Variants in ATF6 observed in about 807,000 individuals in gnomAD.
ATF6 encodes activating transcription factor 6.
In ATF6, 53 loss-of-function variants were observed where a neutral mutation model predicts 83.6. That is an observed-to-expected ratio of 0.63 (90% CI 0.51 to 0.80). The LOEUF (loss-of-function observed/expected upper bound fraction) is 0.80. ATF6 is among the 30% of genes least tolerant of loss of function. ATF6 has a pLI of 0.00. For missense variants in ATF6, 744 were observed against 797.9 expected (o/e 0.93, Z 0.81); for synonymous variants, 288 against 285.8 (o/e 1.01, Z -0.08).
At chr1:161,787,423 G>A (rs2101735445) in intron 4 of ATF6, among the ~76,000 whole-genome samples, 1 of 152,238 alleles carries the variant, frequency 6.6e-6, no homozygotes, top group African/African-American at 2.4e-5. Context: ...CAGCTCTTAT[G>A]TTCTTTTAAC....
At chr1:161,831,623 T>G (rs1571170252) in intron 9 of ATF6, among the ~76,000 whole-genome samples, 4 of 151,910 alleles carry the variant, frequency 2.6e-5, no homozygotes, top group South Asian at 2.1e-4. Context: ...CCATAAAAAA[T>G]GATGAGTTCA....
chr1:161,788,970 ATATT>A (rs759258531), intron 4 of ATF6, among the ~76,000 whole-genome samples: 2 of 152,026 alleles, frequency 1.3e-5, no homozygotes, highest in African/African-American at 2.4e-5. Flanking sequence ...TGTGAGTGAA[ATATT>A]TATTTATTTG....
intron 14 of ATF6, among the ~76,000 whole-genome samples, chr1:161,892,942 A>G (rs1404355225): frequency 1.3e-5 from 2 of 151,844 alleles, no homozygotes; most frequent in Non-Finnish European, 2.9e-5. Flanking sequence ...CTGGCGGGTC[A>G]TTCTTTAAAG....
intron 14 of ATF6, among the ~76,000 whole-genome samples, chr1:161,895,973 C>T (rs34312480): frequency 6.6e-6 from 1 of 152,076 alleles, no homozygotes; most frequent in African/African-American, 2.4e-5. Context: ...AATAAAGGAC[C>T]CAGTGAGTTA....
intron 4 of ATF6, 137 bp from the exon 5 acceptor site, chr1:161,791,271 A>G (rs1295327983): frequency 2.7e-5 from 15 of 561,804 alleles, no homozygotes; most frequent in Admixed American, 3.7e-5. Flanking sequence ...CTTAATATAT[A>G]TATACAGTTT....
intron 12 of ATF6, among the ~76,000 whole-genome samples, chr1:161,858,095 A>G (rs1028570411): frequency 2.0e-5 from 3 of 152,190 alleles, no homozygotes; most frequent in African/African-American, 7.2e-5. Flanking sequence ...CAACAAAGCA[A>G]GACCCTGTGT....
At chr1:161,882,991 TTTG>T (rs1368774524) in intron 14 of ATF6, among the ~76,000 whole-genome samples, 1 of 151,228 alleles carries the variant, frequency 6.6e-6, no homozygotes, top group Non-Finnish European at 1.5e-5. Flanking sequence ...GGGAGAGGAG[TTTG>T]TTTTCATTAG....
intron 14 of ATF6, among the ~76,000 whole-genome samples, chr1:161,904,835 G>A (rs1054442348): frequency 1.3e-5 from 2 of 152,148 alleles, no homozygotes; most frequent in Non-Finnish European, 1.5e-5. Context: ...CTTCTAATGC[G>A]AGCAAGTGTT....
intron 9 of ATF6, among the ~76,000 whole-genome samples, chr1:161,829,956 C>T (rs1686009700): frequency 2.0e-5 from 3 of 152,028 alleles, no homozygotes; most frequent in Non-Finnish European, 4.4e-5. Context: ...CTGGCCAGGG[C>T]AATCAGGCAG....
At chr1:161,878,843 A>G (rs1452146067) in intron 14 of ATF6, among the ~76,000 whole-genome samples, 1 of 152,192 alleles carries the variant, frequency 6.6e-6, no homozygotes, top group East Asian at 1.9e-4. Context: ...CATGAAACAT[A>G]AAAGTTAAAG....
intron 5 of ATF6, 108 bp downstream of exon 5, chr1:161,791,645 C>T: frequency 7.8e-7 from 1 of 1,281,372 alleles, no homozygotes; most frequent in African/African-American, 1.5e-5. Flanking sequence ...GGCTGGCTTG[C>T]TGTTTTTTAA....
At chr1:161,862,244 A>AT (rs938634045) in intron 13 of ATF6, among the ~76,000 whole-genome samples, 22 of 152,194 alleles carry the variant, frequency 1.4e-4, no homozygotes, top group African/African-American at 4.6e-4. Context: ...TAGTGAACAA[A>AT]TGGAGTTATT....
At chr1:161,838,184 T>G (rs1424059172) in intron 9 of ATF6, among the ~76,000 whole-genome samples, 1 of 152,230 alleles carries the variant, frequency 6.6e-6, no homozygotes, top group Non-Finnish European at 1.5e-5. Context: ...GAGATTGTAC[T>G]CAAATTTACA....
chr1:161,835,710 C>A (rs767457227), intron 9 of ATF6, among the ~76,000 whole-genome samples: 5 of 152,252 alleles, frequency 3.3e-5, no homozygotes, highest in Non-Finnish European at 7.3e-5. Context: ...CATTTATGGA[C>A]CTCTGTTTTG....
At position 161,807,991 on chromosome 1, in the gene ATF6, T is replaced by G. The variant is rs993384304; in HGVS notation, c.909+5719T>G. Among the ~76,000 whole-genome samples, 3 of 146,498 alleles carry G rather than the reference T, an allele frequency of 2.0e-5. No homozygotes were observed. The Admixed American group carries it at 2.1e-4, about 10-fold the overall frequency. ...ACCTTCCAGGTTCAAGCGATTCTCC[T>G]GCCTCAGCCTCCTGAGTAGCTGGGA... is the stretch of plus-strand genomic sequence containing the variant. On this transcript the variant is annotated intron_variant, in intron 7 of 15. Coordinates refer to ENST00000367942, the MANE Select transcript of ATF6 (RefSeq NM_007348.4).
At chr1:161,923,644 T>A (rs1212874492) in intron 15 of ATF6, among the ~76,000 whole-genome samples, 2 of 152,236 alleles carry the variant, frequency 1.3e-5, no homozygotes, top group East Asian at 3.8e-4. Flanking sequence ...GCATGGGTAA[T>A]TTTTCCATGA....
intron 8 of ATF6, 26 bp from the exon 9 acceptor site, chr1:161,821,044 G>A: frequency 1.3e-6 from 2 of 1,512,320 alleles, no homozygotes; most frequent in South Asian, 1.2e-5. Flanking sequence ...TAGTTTAATT[G>A]TATTTAATGT....
intron 9 of ATF6, among the ~76,000 whole-genome samples, chr1:161,823,822 G>A (rs11581556): frequency 0.2 from 30,896 of 152,090 alleles, 3,925 homozygotes; most frequent in Non-Finnish European, 0.28. Flanking sequence ...GATCCCCAGA[G>A]TTCCTTGGAC....
chr1:161,838,504 A>T (rs1686276493), intron 9 of ATF6, among the ~76,000 whole-genome samples: 2 of 152,158 alleles, frequency 1.3e-5, no homozygotes, highest in South Asian at 4.1e-4. Flanking sequence ...CCACTTTCAG[A>T]TTGGCTCATT....
Sources: gnomAD v4.1 joint callset for allele counts (sites outside exome capture counted in the v4.1 genomes callset) on GRCh38, gnomAD v4.1.1 for gene constraint, MANE v1.5 for transcripts, NCBI Gene and HGNC (gene_info 2026-07-23, HGNC 2026-07-21) for gene names.